The following SNTG1 variants were observed in gnomAD, a reference collection of about 807,000 sequenced individuals.
SNTG1 encodes the protein syntrophin gamma 1.
A neutral mutation model predicts 74.7 loss-of-function variants in SNTG1; 39 were observed. The ratio of observed to expected loss-of-function variants is 0.52; its 90% CI spans 0.40 to 0.68. The LOEUF is 0.68. SNTG1 is among the 30% of genes least tolerant of loss of function. The probability of loss-of-function intolerance (pLI) is 0.00; values close to 1 mark genes in which losing one functional copy is unlikely to be tolerated. For missense variants in SNTG1, 685 were observed against 609.5 expected (o/e 1.12, Z -1.30); for synonymous variants, 254 against 217.1 (o/e 1.17, Z -1.49).
At chr8:50,224,632 A>T (rs934692614) in intron 2 of SNTG1, among the ~76,000 whole-genome samples, 8 of 152,180 alleles carry the variant, frequency 5.3e-5, no homozygotes, top group Non-Finnish European at 7.3e-5. Flanking sequence ...CTCTCAGCTA[A>T]GGGCATTTTA....
intron 2 of SNTG1, among the ~76,000 whole-genome samples, chr8:50,379,019 C>T (rs1245403450): frequency 6.6e-6 from 1 of 152,108 alleles, no homozygotes; most frequent in African/African-American, 2.4e-5. Flanking sequence ...CACCCAGGAA[C>T]CTGTCTGCAT....
intron 9 of SNTG1, among the ~76,000 whole-genome samples, chr8:50,507,278 G>A (rs184549521): frequency 6.6e-6 from 1 of 151,998 alleles, no homozygotes; most frequent in Admixed American, 6.6e-5. Flanking sequence ...CAGGAATATT[G>A]GTTTGTAGTT....
At chr8:49,965,804 T>C (rs1411281855) in intron 1 of SNTG1, among the ~76,000 whole-genome samples, 1 of 152,220 alleles carries the variant, frequency 6.6e-6, no homozygotes, top group East Asian at 1.9e-4. Context: ...CCTCCTCTTT[T>C]ATCTATTTTT....
chr8:50,603,481 A>G (rs1469758542), intron 13 of SNTG1, among the ~76,000 whole-genome samples: 5 of 152,198 alleles, frequency 3.3e-5, no homozygotes, highest in Non-Finnish European at 7.3e-5. Flanking sequence ...GTGAAAGGTC[A>G]TACATCTGTA....
chr8:50,792,624 A>G (rs758878748), intron 18 of SNTG1, 47 bp from the exon 19 acceptor site: 1 of 1,530,182 alleles, frequency 6.5e-7, no homozygotes, highest in Non-Finnish European at 8.8e-7. Flanking sequence ...AAATTTTTAA[A>G]GACATTAATT....
At chr8:50,233,390 C>T (rs1176381445) in intron 2 of SNTG1, among the ~76,000 whole-genome samples, 2 of 151,574 alleles carry the variant, frequency 1.3e-5, no homozygotes, top group African/African-American at 4.8e-5. Flanking sequence ...AACTTCACTC[C>T]TCATGTAAAA....
chr8:50,580,037 A>G (rs1446496390), intron 12 of SNTG1, among the ~76,000 whole-genome samples: 1 of 152,182 alleles, frequency 6.6e-6, no homozygotes, highest in African/African-American at 2.4e-5. Flanking sequence ...CCAGGAGGGG[A>G]GCTATACCCT....
intron 4 of SNTG1, 45 bp from the exon 5 acceptor site, chr8:50,438,498 T>A: frequency 6.5e-7 from 1 of 1,544,130 alleles, no homozygotes. Context: ...TGTGTAAGTA[T>A]AGTATTAGGA....
chr8:50,112,993 T>C (rs955043019), intron 1 of SNTG1, among the ~76,000 whole-genome samples: 1 of 152,194 alleles, frequency 6.6e-6, no homozygotes, highest in East Asian at 1.9e-4. Context: ...TTGGTTACTG[T>C]AGCCCTGTAG....
intron 17 of SNTG1, among the ~76,000 whole-genome samples, chr8:50,732,846 A>T (rs936361981): frequency 6.6e-6 from 1 of 152,016 alleles, no homozygotes; most frequent in African/African-American, 2.4e-5. Context: ...ATGAGGTTGA[A>T]CAGGTTCTCC....
chr8:50,043,786 C>T (rs1818844184), intron 1 of SNTG1, among the ~76,000 whole-genome samples: 1 of 152,134 alleles, frequency 6.6e-6, no homozygotes, highest in Non-Finnish European at 1.5e-5. Flanking sequence ...GGGAGATAAG[C>T]ACTCTTGTGC....
At chr8:50,108,868 T>C (rs1339802810) in intron 1 of SNTG1, among the ~76,000 whole-genome samples, 2 of 152,012 alleles carry the variant, frequency 1.3e-5, no homozygotes, top group Non-Finnish European at 2.9e-5. Flanking sequence ...TGAAGGAAAC[T>C]TTGAAGAGGC....
intron 17 of SNTG1, among the ~76,000 whole-genome samples, chr8:50,732,311 G>T (rs1036261825): frequency 1.3e-5 from 2 of 151,878 alleles, no homozygotes; most frequent in Non-Finnish European, 2.9e-5. Flanking sequence ...AAAGTATCTT[G>T]TCCAACACTA....
At chr8:50,724,888 C>T (rs2095496312) in intron 17 of SNTG1, among the ~76,000 whole-genome samples, 1 of 151,950 alleles carries the variant, frequency 6.6e-6, no homozygotes. Context: ...AAATAAATTT[C>T]TAAAACTTTT....
intron 1 of SNTG1, among the ~76,000 whole-genome samples, chr8:49,953,962 T>C (rs1171860575): frequency 1.3e-5 from 2 of 152,200 alleles, no homozygotes; most frequent in African/African-American, 4.8e-5. Context: ...AGCAAAAATG[T>C]TCTAGATTGA....
intron 1 of SNTG1, among the ~76,000 whole-genome samples, chr8:50,043,519 G>C (rs1745966007): frequency 6.6e-6 from 1 of 152,168 alleles, no homozygotes. Context: ...ATTTGTGAAG[G>C]GGATGTCTTT....
chr8:50,189,025 G>A (rs2083475903), intron 2 of SNTG1, among the ~76,000 whole-genome samples: 3 of 152,060 alleles, frequency 2.0e-5, no homozygotes, highest in Admixed American at 2.0e-4. Context: ...TATGTAAATG[G>A]GCCAGAGAAG....
At chr8:50,217,781 T>C (rs2131963194) in intron 2 of SNTG1, among the ~76,000 whole-genome samples, 1 of 152,264 alleles carries the variant, frequency 6.6e-6, no homozygotes, top group South Asian at 2.1e-4. Context: ...GGAGAAGTTA[T>C]TCAAAATCTG....
At chr8:50,651,732 C>T (rs1242006412) in intron 13 of SNTG1, among the ~76,000 whole-genome samples, 4 of 151,848 alleles carry the variant, frequency 2.6e-5, no homozygotes. Context: ...GCTGAGATTA[C>T]AGGTATAAAC....
Sources: allele counts gnomAD v4.1 joint callset (sites outside exome capture counted in the v4.1 genomes callset), GRCh38; gene constraint gnomAD v4.1.1; transcripts MANE v1.5; gene names NCBI Gene and HGNC (gene_info 2026-07-23, HGNC 2026-07-21).